Variants in GSE1 observed in about 807,000 individuals in gnomAD.
GSE1 encodes genetic suppressor element 1.
In GSE1, 32 loss-of-function variants were observed where a neutral mutation model predicts 112.6. That is an observed-to-expected ratio of 0.28 (90% CI 0.21 to 0.38). The LOEUF is 0.38. Among genes scored for constraint, GSE1 ranks in the 10% least tolerant of loss-of-function variants. The probability of loss-of-function intolerance (pLI) is 1.00; values close to 1 mark genes in which losing one functional copy is unlikely to be tolerated. For missense variants in GSE1, 2,348 were observed against 1,699.2 expected, an observed-to-expected ratio of 1.38 and a Z score of -6.71; for synonymous variants, 1,115 against 735.6, an observed-to-expected ratio of 1.52 and a Z score of -8.35.
intron 8 of GSE1, 87 bp downstream of exon 8, chr16:85,657,691 A>G: frequency 1.2e-6 from 1 of 822,796 alleles, no homozygotes; most frequent in Non-Finnish European, 1.8e-6. Context: ...TTTGCCCAAC[A>G]TCCTGCCCCA....
upstream of GSE1, chr16:85,555,397 G>A (rs201445446): frequency 3.0e-6 from 3 of 984,176 alleles, no homozygotes; most frequent in East Asian, 1.1e-4. Context: ...CCAAAAAAGG[G>A]GGGGGAGGGG....
intron 2 of GSE1, among the ~76,000 whole-genome samples, chr16:85,506,068 G>A (rs1428277734): frequency 6.6e-6 from 1 of 152,146 alleles, no homozygotes; most frequent in Non-Finnish European, 1.5e-5. Flanking sequence ...TCCACAGTGA[G>A]TCGAACCAGG....
intron 1 of GSE1, among the ~76,000 whole-genome samples, chr16:85,242,859 T>C (rs1351866868): frequency 1.3e-5 from 2 of 152,234 alleles, no homozygotes; most frequent in African/African-American, 2.4e-5. Flanking sequence ...TCATCTAGGC[T>C]GGAGTGCAGT....
intron 2 of GSE1, among the ~76,000 whole-genome samples, chr16:85,467,727 G>A: frequency 6.6e-6 from 1 of 152,204 alleles, no homozygotes; most frequent in Non-Finnish European, 1.5e-5. Flanking sequence ...AGCCACCAAA[G>A]GCTGCCCGGG....
upstream of GSE1, among the ~76,000 whole-genome samples, chr16:85,609,408 C>G (rs2047862649): frequency 6.6e-6 from 1 of 152,168 alleles, no homozygotes; most frequent in South Asian, 2.1e-4. Context: ...TAACCCTGGC[C>G]TCTCTGAGGT....
At chr16:85,252,391 A>T (rs1268172681) in intron 1 of GSE1, among the ~76,000 whole-genome samples, 2 of 152,184 alleles carry the variant, frequency 1.3e-5, no homozygotes, top group Non-Finnish European at 2.9e-5. Context: ...GTTGCTTAGG[A>T]TGTGTACGTG....
At position 85,557,570 on chromosome 16, in the gene GSE1, T is replaced by C. The variant is rs540775103; in HGVS notation, c.37+1207T>C. 1.3e-3 allele frequency among the ~76,000 whole-genome samples: 184 copies of C among 146,000 alleles called. 3 individuals carry two copies. The highest frequency in any genetic ancestry group is 9.3e-3 in the Admixed American group (137 of 14,686). On this transcript the variant is annotated intron_variant, in intron 1 of 2. Coordinates refer to the GSE1 transcript ENST00000635906. Reference sequence around the variant, plus strand: ...ACGTGGCCCGGTGTTCGGTTTCGGGTTTTTTTTTTTCCTCTGTTCAGAAGA... The same window carrying C: ...ACGTGGCCCGGTGTTCGGTTTCGGGCTTTTTTTTTTCCTCTGTTCAGAAGA...
chr16:85,501,831 C>A (rs2051378685), intron 2 of GSE1, among the ~76,000 whole-genome samples: 2 of 152,256 alleles, frequency 1.3e-5, no homozygotes, highest in African/African-American at 4.8e-5. Context: ...CCAGCCCCGA[C>A]AGGGCCCTGC....
At chr16:85,272,003 C>A (rs1323741680) in intron 1 of GSE1, among the ~76,000 whole-genome samples, 1 of 152,220 alleles carries the variant, frequency 6.6e-6, no homozygotes, top group Non-Finnish European at 1.5e-5. Flanking sequence ...ACCACTGTGT[C>A]ACCCCTTCCC....
chr16:85,631,198 C>T (rs921008013), intron 1 of GSE1, among the ~76,000 whole-genome samples: 2 of 152,180 alleles, frequency 1.3e-5, no homozygotes, highest in African/African-American at 2.4e-5. Context: ...CCTAAAAACC[C>T]GCAGCCTACT....
chr16:85,202,063 C>G (rs2075038421), intron 1 of GSE1, among the ~76,000 whole-genome samples: 1 of 152,150 alleles, frequency 6.6e-6, no homozygotes, highest in Non-Finnish European at 1.5e-5. Context: ...TGGGTGGTGG[C>G]GGGCCTTAGC....
At chr16:85,210,137 C>G (rs994825865) in intron 1 of GSE1, among the ~76,000 whole-genome samples, 2 of 152,186 alleles carry the variant, frequency 1.3e-5, no homozygotes, top group Non-Finnish European at 2.9e-5. Flanking sequence ...TCGTATTCGT[C>G]TTTACTGAAA....
At chr16:85,549,093 T>G (rs2044811387) in intron 2 of GSE1, among the ~76,000 whole-genome samples, 1 of 151,800 alleles carries the variant, frequency 6.6e-6, no homozygotes, top group African/African-American at 2.4e-5. Context: ...GGCCTGGAGA[T>G]TCTTAATTGC....
In GSE1 at chr16:85,421,797, G is replaced by A. The variant is rs560020290; in HGVS notation, c.2464+64154G>A. Among the ~76,000 whole-genome samples, 43 of 152,278 alleles carry A rather than the reference G, an allele frequency of 2.8e-4. No homozygotes were observed. The South Asian group carries it at 8.1e-3, about 29-fold the overall frequency. On this transcript the variant is annotated intron_variant, in intron 2 of 2. Transcript: ENST00000637419. ...CCAGGAACCCCAGAGAGGTAGATGGGGAGAGGGTAGCTGTGTTTCCATGCT... is the reference window on the plus strand; with the variant it reads ...CCAGGAACCCCAGAGAGGTAGATGGAGAGAGGGTAGCTGTGTTTCCATGCT...
At chr16:85,477,759 A>G (rs1166629071) in intron 2 of GSE1, among the ~76,000 whole-genome samples, 2 of 151,182 alleles carry the variant, frequency 1.3e-5, no homozygotes, top group Non-Finnish European at 3.0e-5. Flanking sequence ...ACGGGGTTTC[A>G]CTATGCTGGC....
intron 1 of GSE1, among the ~76,000 whole-genome samples, chr16:85,256,862 C>A (rs557581655): frequency 1.3e-5 from 2 of 152,246 alleles, no homozygotes; most frequent in Non-Finnish European, 2.9e-5. Context: ...TGAAACGCAA[C>A]GCAAAATTCA....
At chr16:85,558,213 A>G (rs763207983) in intron 1 of GSE1, among the ~76,000 whole-genome samples, 2 of 152,228 alleles carry the variant, frequency 1.3e-5, no homozygotes, top group African/African-American at 2.4e-5. Context: ...CTTTAGCCCA[A>G]AATGAAACAG....
At chr16:85,472,638 C>T (rs1212888345) in intron 2 of GSE1, among the ~76,000 whole-genome samples, 2 of 152,226 alleles carry the variant, frequency 1.3e-5, no homozygotes, top group Non-Finnish European at 2.9e-5. Context: ...AGCAGCGGCT[C>T]AGGACCCGGT....
chr16:85,464,242 C>T (rs1466427475), intron 2 of GSE1, among the ~76,000 whole-genome samples: 3 of 152,006 alleles, frequency 2.0e-5, no homozygotes, highest in East Asian at 1.9e-4. Flanking sequence ...AGGTCGCGAA[C>T]GGTTGATGAT....
Sources: gnomAD v4.1 joint callset for allele counts (sites outside exome capture counted in the v4.1 genomes callset) on GRCh38, gnomAD v4.1.1 for gene constraint, MANE v1.5 for transcripts, NCBI Gene and HGNC (gene_info 2026-07-23, HGNC 2026-07-21) for gene names.